Variants in PTP4A2 observed in about 807,000 individuals in gnomAD.
The protein encoded by PTP4A2 is protein tyrosine phosphatase type IVA 2.
In PTP4A2, 2 loss-of-function variants were observed where a neutral mutation model predicts 22.9. That is an observed-to-expected ratio of 0.09 (90% CI 0.04 to 0.27). The LOEUF is 0.27. Ranked by LOEUF, PTP4A2 falls within the 10% of genes least tolerant of loss-of-function variation. The pLI, the probability that PTP4A2 is intolerant of heterozygous loss-of-function variation, is 1.00. For synonymous variants in PTP4A2, 68 were observed against 69.1 expected (o/e 0.98, Z 0.08); for missense variants, 103 against 205.1 (o/e 0.50, Z 3.04).
chr1:31,937,384 T>G (rs1009587326), intron 1 of PTP4A2, among the ~76,000 whole-genome samples: 3 of 151,494 alleles, frequency 2.0e-5, no homozygotes, highest in African/African-American at 7.3e-5. Context: ...CGGAAAGAAC[T>G]CCCCAACCCA....
chr1:31,937,013 T>C (rs1020568898), intron 1 of PTP4A2, among the ~76,000 whole-genome samples: 1 of 152,142 alleles, frequency 6.6e-6, no homozygotes, highest in African/African-American at 2.4e-5. Context: ...TACAGTTCAA[T>C]TTACCTAACA....
intron 3 of PTP4A2, chr1:31,913,008 A>G: frequency 2.2e-6 from 1 of 455,078 alleles, no homozygotes; most frequent in Non-Finnish European, 4.4e-6. Flanking sequence ...TTCCTCTAAT[A>G]CTCCCTAAAA....
intron 2 of PTP4A2, among the ~76,000 whole-genome samples, chr1:31,917,761 G>A (rs1333012161): frequency 6.6e-6 from 1 of 151,614 alleles, no homozygotes; most frequent in Non-Finnish European, 1.5e-5. Context: ...GGATCACGAG[G>A]TCAAGAGATC....
intron 1 of PTP4A2, among the ~76,000 whole-genome samples, chr1:31,920,126 CA>C (rs772173962): frequency 0.01 from 434 of 43,180 alleles, no homozygotes; most frequent in African/African-American, 0.03. Context: ...AACTCTGCCT[CA>C]AAAAAAAAAA....
At chr1:31,927,363 G>A (rs1299230673) in intron 1 of PTP4A2, among the ~76,000 whole-genome samples, 1 of 152,156 alleles carries the variant, frequency 6.6e-6, no homozygotes, top group Admixed American at 6.5e-5. Flanking sequence ...AGGGTGGAGG[G>A]TGAGAGGAGA....
At chr1:31,928,198 T>A (rs955255932) in intron 1 of PTP4A2, among the ~76,000 whole-genome samples, 2 of 144,962 alleles carry the variant, frequency 1.4e-5, no homozygotes, top group African/African-American at 5.1e-5. Flanking sequence ...ATAACATATA[T>A]TTATATATTA....
At chr1:31,923,365 TGC>T (rs1652288975) in intron 1 of PTP4A2, among the ~76,000 whole-genome samples, 1 of 143,290 alleles carries the variant, frequency 7.0e-6, no homozygotes. Flanking sequence ...GACGGAGTCT[TGC>T]TCTGTCGCCC....
chr1:31,936,234 T>A (rs1328349692), intron 1 of PTP4A2, among the ~76,000 whole-genome samples: 1 of 151,550 alleles, frequency 6.6e-6, no homozygotes, highest in African/African-American at 2.4e-5. Context: ...AGGTCAGGAG[T>A]TCGAGACCAG....
At chr1:31,927,722 G>C (rs1014686955) in intron 1 of PTP4A2, among the ~76,000 whole-genome samples, 1 of 152,208 alleles carries the variant, frequency 6.6e-6, no homozygotes, top group Non-Finnish European at 1.5e-5. Context: ...TTTGTCCACA[G>C]ACTGGATATA....
chr1:31,910,130 T>C lies in PTP4A2; in HGVS notation c.321-18A>G. 2 of 1,594,570 alleles carry C rather than the reference T, an allele frequency of 1.3e-6. No homozygotes were observed. The highest frequency in any genetic ancestry group is 1.7e-6 in the Non-Finnish European group (2 of 1,163,568). The stretch of plus-strand genomic sequence containing the variant: ...CAGGTGCCCTGCAGAAAGAAACCTG[T>C]ATGTAAGTATCCATAAGTCTTGGAG... On this transcript the variant is annotated intron_variant, in intron 4 of 5. Coordinates refer to ENST00000647444, the MANE Select transcript of PTP4A2 (RefSeq NM_080391.4).
chr1:31,935,769 G>A (rs575219058), intron 1 of PTP4A2: 1 of 152,082 alleles, frequency 6.6e-6, no homozygotes, highest in Non-Finnish European at 1.5e-5. Flanking sequence ...TAGCACAGGA[G>A]GAAATTAATA....
chr1:31,923,467 T>C (rs1315633309), intron 1 of PTP4A2, among the ~76,000 whole-genome samples: 17 of 150,950 alleles, frequency 1.1e-4, no homozygotes, highest in Admixed American at 1.1e-3. Flanking sequence ...CCCGAGTAGC[T>C]GGGACTACAG....
chr1:31,926,749 C>T (rs1652484837), intron 1 of PTP4A2, among the ~76,000 whole-genome samples: 1 of 152,044 alleles, frequency 6.6e-6, no homozygotes, highest in African/African-American at 2.4e-5. Flanking sequence ...GGATCTTACA[C>T]TTTACTGGGC....
chr1:31,925,684 C>T (rs779404296), intron 1 of PTP4A2, among the ~76,000 whole-genome samples: 5 of 151,520 alleles, frequency 3.3e-5, no homozygotes, highest in Non-Finnish European at 7.4e-5. Context: ...GGCGTGAACC[C>T]GGGAGGCAGA....
intron 2 of PTP4A2, 71 bp downstream of exon 2, chr1:31,918,899 T>C (rs1238554549): frequency 1.2e-5 from 11 of 908,860 alleles, no homozygotes; most frequent in Middle Eastern, 2.2e-4. Context: ...AATGGCTTTG[T>C]GCTAAGAGAA....
At chr1:31,915,770 G>T in intron 3 of PTP4A2, 125 bp downstream of exon 3, 3 of 638,898 alleles carry the variant, frequency 4.7e-6, no homozygotes, top group East Asian at 3.0e-5. Flanking sequence ...GAACTCCTGG[G>T]TTCAAGTGAT....
chr1:31,920,624 G>GC (rs976881188), intron 1 of PTP4A2, among the ~76,000 whole-genome samples: 1 of 135,112 alleles, frequency 7.4e-6, no homozygotes, highest in Non-Finnish European at 1.5e-5. Context: ...TGCAACCTCC[G>GC]CCCCCCAGGT....
At chr1:31,913,798 A>C (rs1392500225) in intron 3 of PTP4A2, 1 of 456,080 alleles carries the variant, frequency 2.2e-6, no homozygotes, top group South Asian at 1.6e-5. Flanking sequence ...AACATTACTG[A>C]CTCAAACAGA....
rs547107956 is a variant in PTP4A2, at chr1:31,938,225, CCG to C, written c.-834_-833del. On this transcript the variant is annotated 5_prime_UTR_variant, in exon 1 of 6. Coordinates refer to ENST00000647444, the MANE Select transcript of PTP4A2 (RefSeq NM_080391.4). This position sits in a 1 kb window ranked among gnomAD's most constrained non-coding sequence, Gnocchi z 4.4. ...GCCGCCGCTGCGTCTCCTGCTGCCG[CCG>C]CTGCCTCCGCTGCCGCCGCTGCCCT... The C allele has an allele frequency of 3.9e-4, 60 of 153,844 alleles. No individual in the cohort carries two copies. The highest frequency in any genetic ancestry group is 1.5e-3 in the African/African-American group (60 of 41,158). 9.5% of individuals were successfully genotyped at this position (153,844 alleles called of 1,614,324 possible).
Sources: allele counts gnomAD v4.1 joint callset (sites outside exome capture counted in the v4.1 genomes callset), GRCh38; gene constraint gnomAD v4.1.1; non-coding constraint Gnocchi (gnomAD v3.1); transcripts MANE v1.5; gene names NCBI Gene and HGNC (gene_info 2026-07-23, HGNC 2026-07-21).